WDR64: variants seen among roughly 807,000 people sequenced by gnomAD.
The protein encoded by WDR64 is WD repeat domain 64, also known as WD repeat-containing protein 64.
WDR64 carries 112 observed loss-of-function variants against 139.3 expected under a neutral mutation model. That is an observed-to-expected ratio of 0.80 (90% CI 0.69 to 0.94). The LOEUF (loss-of-function observed/expected upper bound fraction) is 0.94. Among genes scored for constraint, WDR64 ranks in the 40% least tolerant of loss-of-function variants. The pLI is 0.00. For synonymous variants in WDR64, 444 were observed against 437.7 expected (o/e 1.01, Z -0.18); for missense variants, 1,206 against 1,293.1 (o/e 0.93, Z 1.03).
intron 27 of WDR64, among the ~76,000 whole-genome samples, chr1:241,799,202 C>CAA (rs4046210): frequency 1.8e-4 from 6 of 33,328 alleles, no homozygotes; most frequent in African/African-American, 4.6e-4. Context: ...TTTGTCTCTC[C>CAA]AAAAAAAAAA....
rs999327483 is a variant in WDR64 at position 241,652,763 on chromosome 1, C to T, written c.145+134C>T. 2.9e-6 allele frequency: 3 copies of T among 1,041,450 alleles called. No individual in the cohort carries two copies. The African/African-American group carries it at 4.9e-5, about 17-fold the overall frequency. 64.5% of individuals were successfully genotyped at this position (1,041,450 alleles called of 1,614,324 possible). A position where few individuals can be genotyped will look rare whatever the true frequency, so the allele number is the denominator to read the frequency against. ...CTGAAAGGGGATGAAGACCTCAGTT[C>T]TTGTTCTTTCTCTGTCCCTAAATAA... On this transcript the variant is annotated intron_variant, in intron 1 of 27. Coordinates refer to ENST00000437684, the MANE Select transcript of WDR64 (RefSeq NM_001367482.1).
chr1:241,726,559 G>C (rs567594248), intron 10 of WDR64, among the ~76,000 whole-genome samples: 1 of 152,052 alleles, frequency 6.6e-6, no homozygotes, highest in Non-Finnish European at 1.5e-5. Flanking sequence ...TACCAATAAA[G>C]TAAAATTCAA....
intron 15 of WDR64, among the ~76,000 whole-genome samples, chr1:241,763,606 G>A (rs963944406): frequency 9.2e-5 from 14 of 152,184 alleles, no homozygotes; most frequent in African/African-American, 3.4e-4. Context: ...GGGGGAGGCT[G>A]AGGCATGAGA....
At chr1:241,751,705 G>T (rs76673630) in intron 14 of WDR64, among the ~76,000 whole-genome samples, 1 of 152,118 alleles carries the variant, frequency 6.6e-6, no homozygotes, top group East Asian at 1.9e-4. Context: ...AAACCCTTGT[G>T]CAACTGCCCG....
Position 241,671,747 on chromosome 1 carries a change from G to A in WDR64, c.379+571G>A, listed in dbSNP as rs567731480. On this transcript the variant is annotated intron_variant, in intron 3 of 27. Coordinates refer to ENST00000437684, the MANE Select transcript of WDR64 (RefSeq NM_001367482.1). Reference sequence around the variant, plus strand: ...TCCCTCTCCACTCTTAACACCTTGGGGTTTCTTCTCCTTCTTCCCTCCATG... The same window carrying A: ...TCCCTCTCCACTCTTAACACCTTGGAGTTTCTTCTCCTTCTTCCCTCCATG... Among the ~76,000 whole-genome samples the A allele has an allele frequency of 2.0e-5, 3 of 152,176 alleles. No individual in the cohort carries two copies. The East Asian group carries it at 5.8e-4, about 29-fold the overall frequency.
intron 9 of WDR64, among the ~76,000 whole-genome samples, chr1:241,719,403 T>G (rs1162420481): frequency 6.6e-6 from 1 of 152,144 alleles, no homozygotes; most frequent in Non-Finnish European, 1.5e-5. Context: ...ATGATGGGGA[T>G]GAAGGAGGCA....
rs1558465986 is a variant in WDR64, at chr1:241,675,073, GCCTCCCTCCCTTCATCCTT to G, written c.483+338_483+356del. On this transcript the variant is annotated intron_variant, in intron 4 of 27. Transcript: ENST00000437684. ...TTCCTTTTCTCCCTTCCTCCTTCCT[GCCTCCCTCCCTTCATCCTT>G]CCTCCCTCCCTCCTTCCTTCCTCCC... is the stretch of plus-strand genomic sequence containing the variant. Among the ~76,000 whole-genome samples, 108 of 22,004 alleles carry G rather than the reference GCCTCCCTCCCTTCATCCTT, an allele frequency of 4.9e-3. 1 individual carries two copies. The highest frequency in any genetic ancestry group is 0.02 in the East Asian group (10 of 488). 14.4% of individuals were successfully genotyped at this position (22,004 alleles called of 152,430 possible).
chr1:241,705,323 T>A (rs549204399), intron 8 of WDR64, among the ~76,000 whole-genome samples: 2 of 151,788 alleles, frequency 1.3e-5, no homozygotes, highest in East Asian at 3.9e-4. Flanking sequence ...GGGCGGATCA[T>A]GAGGTCAGGA....
intron 10 of WDR64, among the ~76,000 whole-genome samples, chr1:241,734,725 A>G (rs1574053353): frequency 6.6e-6 from 1 of 152,122 alleles, no homozygotes; most frequent in Non-Finnish European, 1.5e-5. Flanking sequence ...CGAATGAGTC[A>G]TCATATTATA....
chr1:241,681,590 G>A (rs1283754101), intron 6 of WDR64, among the ~76,000 whole-genome samples: 1 of 152,146 alleles, frequency 6.6e-6, no homozygotes, highest in Non-Finnish European at 1.5e-5. Context: ...ACATGAGTGA[G>A]CGAGTAGCTT....
intron 17 of WDR64, 142 bp from the exon 18 acceptor site, chr1:241,770,479 G>C (rs1016982387): frequency 1.5e-6 from 1 of 655,718 alleles, no homozygotes; most frequent in Non-Finnish European, 2.6e-6. Context: ...AGAATATAAG[G>C]CATGATTTGT....
chr1:241,754,320 C>CTTTTTTTTT (rs71174845), intron 14 of WDR64, among the ~76,000 whole-genome samples: 2 of 81,844 alleles, frequency 2.4e-5, no homozygotes, highest in African/African-American at 4.4e-5. Context: ...TTTTCTTTTT[C>CTTTTTTTTT]TTTTTTTTTT....
At chr1:241,756,357 CTGTT>C (rs1180155210) in intron 14 of WDR64, among the ~76,000 whole-genome samples, 1 of 152,176 alleles carries the variant, frequency 6.6e-6, no homozygotes, top group East Asian at 1.9e-4. Flanking sequence ...ATTTGGTTCT[CTGTT>C]TGTCTATTGC....
chr1:241,792,786 TCTG>T (rs1387883789), intron 25 of WDR64, among the ~76,000 whole-genome samples: 2 of 152,128 alleles, frequency 1.3e-5, no homozygotes, highest in Non-Finnish European at 2.9e-5. Flanking sequence ...AGAACACTAA[TCTG>T]CTGATGGTAG....
At chr1:241,683,290 A>G (rs1201934442) in intron 6 of WDR64, among the ~76,000 whole-genome samples, 197 bp from the exon 7 acceptor site, 2 of 152,188 alleles carry the variant, frequency 1.3e-5, no homozygotes. Flanking sequence ...AAAACACCCA[A>G]AATAACAATG....
intron 14 of WDR64, among the ~76,000 whole-genome samples, chr1:241,756,683 G>C (rs1025710968): frequency 4.6e-5 from 7 of 152,134 alleles, no homozygotes; most frequent in African/African-American, 1.7e-4. Flanking sequence ...ACACTACCTA[G>C]AGAAGTGGTT....
intron 11 of WDR64, 148 bp from the exon 12 acceptor site, chr1:241,741,368 A>G (rs956307078): frequency 1.8e-6 from 1 of 559,840 alleles, no homozygotes; most frequent in South Asian, 3.5e-5. Context: ...AAATGAAAAT[A>G]TTCTCACCTC....
In WDR64 at chr1:241,788,031, A is replaced by G; in HGVS notation, c.2888A>G (p.Glu963Gly). The G allele has an allele frequency of 6.3e-7, 1 of 1,584,912 alleles. No individual in the cohort carries two copies. Residue 963 changes from glutamate to glycine, a missense_variant, in exon 24 of 28, where the codon GAA becomes GGA. Glu to Gly is a moderately conservative substitution (Grantham distance 98). Transcript: ENST00000437684. ...GAATATCCTCTGATATTTGACCGGG[A>G]AAAGTAAGACCATTAGCTCTTCTTT... ...KYEYPLIFDR[E>G]KWRKMSSVSL... is the part of the protein sequence containing the mutation.
At chr1:241,713,323 CGAAG>C (rs372893675) in intron 9 of WDR64, among the ~76,000 whole-genome samples, 15 of 108,326 alleles carry the variant, frequency 1.4e-4, no homozygotes, top group Middle Eastern at 0.013. Context: ...AAAGAAAGGA[CGAAG>C]GAAGGAAGGA....
Sources: allele counts gnomAD v4.1 joint callset (sites outside exome capture counted in the v4.1 genomes callset), GRCh38; gene constraint gnomAD v4.1.1; transcripts MANE v1.5; gene names NCBI Gene and HGNC (gene_info 2026-07-23, HGNC 2026-07-21).